ENOX1: variants seen among roughly 807,000 people sequenced by gnomAD.
The protein encoded by ENOX1 is ecto-NOX disulfide-thiol exchanger 1.
A neutral mutation model predicts 82.5 loss-of-function variants in ENOX1; 42 were observed. The ratio of observed to expected loss-of-function variants is 0.51; its 90% CI spans 0.40 to 0.66. ENOX1 has a LOEUF of 0.66. ENOX1 is among the 30% of genes least tolerant of loss of function. ENOX1 has a pLI of 0.00. For missense variants in ENOX1, 608 were observed against 811.6 expected (o/e 0.75, Z 3.05); for synonymous variants, 271 against 282.2 (o/e 0.96, Z 0.40).
chr13:43,591,668 TA>T, intron 2 of ENOX1, among the ~76,000 whole-genome samples: 1 of 151,806 alleles, frequency 6.6e-6, no homozygotes, highest in Admixed American at 6.6e-5. Flanking sequence ...AATGTTTTGT[TA>T]AAAGTATTAA....
chr13:43,656,331 T>G (rs2084431161), intron 2 of ENOX1, among the ~76,000 whole-genome samples: 1 of 152,172 alleles, frequency 6.6e-6, no homozygotes, highest in African/African-American at 2.4e-5. Flanking sequence ...AATGCCAGTG[T>G]TTTTCAATCA....
intron 2 of ENOX1, among the ~76,000 whole-genome samples, chr13:43,501,307 G>T (rs1387603912): frequency 6.6e-6 from 1 of 151,770 alleles, no homozygotes; most frequent in Non-Finnish European, 1.5e-5. Context: ...TTAACAGGAA[G>T]ATAACAGTAG....
chr13:43,746,221 T>C (rs1208594479), intron 1 of ENOX1, among the ~76,000 whole-genome samples: 2 of 152,044 alleles, frequency 1.3e-5, no homozygotes, highest in South Asian at 4.1e-4. Context: ...ATACACTAAA[T>C]AGAAAAGAAA....
intron 3 of ENOX1, among the ~76,000 whole-genome samples, chr13:43,434,962 T>G (rs1412571208): frequency 1.7e-5 from 2 of 116,218 alleles, no homozygotes; most frequent in African/African-American, 6.2e-5. Context: ...TTTTTTTTTT[T>G]GTATATCTAT....
At chr13:43,281,126 T>A (rs924741920) in intron 12 of ENOX1, among the ~76,000 whole-genome samples, 2 of 152,158 alleles carry the variant, frequency 1.3e-5, no homozygotes, top group South Asian at 2.1e-4. Context: ...TTCAACCACC[T>A]ATAGCAACTA....
intron 2 of ENOX1, among the ~76,000 whole-genome samples, chr13:43,646,435 G>A (rs2083898099): frequency 6.6e-6 from 1 of 152,206 alleles, no homozygotes; most frequent in Admixed American, 6.5e-5. Context: ...TGCTCACGCA[G>A]TTAGGGCAAA....
chr13:43,247,849 ATATATATATATATATAT>A (rs2043175514), intron 14 of ENOX1, among the ~76,000 whole-genome samples: 5 of 1,178 alleles, frequency 4.2e-3, no homozygotes, highest in Admixed American at 8.9e-3. Context: ...ATATATATAT[ATATATATATATATATAT>A]ATATATATAT....
chr13:43,250,169 A>G (rs1200590756), intron 14 of ENOX1, among the ~76,000 whole-genome samples: 1 of 152,216 alleles, frequency 6.6e-6, no homozygotes, highest in African/African-American at 2.4e-5. Flanking sequence ...CCTGGAAGTT[A>G]GTGGCATCAT....
chr13:43,593,267 T>C (rs969495278), intron 2 of ENOX1, among the ~76,000 whole-genome samples: 4 of 152,200 alleles, frequency 2.6e-5, no homozygotes, highest in African/African-American at 9.6e-5. Flanking sequence ...CAGGCCTACC[T>C]CCTTTCAGGG....
chr13:43,778,781 T>C (rs1952073041), intron 1 of ENOX1, among the ~76,000 whole-genome samples: 4 of 149,240 alleles, frequency 2.7e-5, no homozygotes, highest in South Asian at 4.2e-4. Flanking sequence ...TTATAGATTA[T>C]AGGCAAGACA....
intron 2 of ENOX1, among the ~76,000 whole-genome samples, chr13:43,666,492 A>G (rs1261484978): frequency 6.6e-6 from 1 of 152,182 alleles, no homozygotes. Flanking sequence ...TAGGGAAGAC[A>G]GTGTAAAGAC....
chr13:43,475,274 CT>C (rs2058232424), intron 3 of ENOX1, among the ~76,000 whole-genome samples: 1 of 152,136 alleles, frequency 6.6e-6, no homozygotes, highest in Non-Finnish European at 1.5e-5. Context: ...AAGCATTTCC[CT>C]GCTGATTCCA....
intron 8 of ENOX1, among the ~76,000 whole-genome samples, chr13:43,348,623 G>T (rs577101390): frequency 1.5e-4 from 23 of 152,320 alleles, no homozygotes; most frequent in African/African-American, 5.3e-4. Context: ...ACCTGACCGG[G>T]ATATGAATCA....
At chr13:43,251,216 C>T (rs932956878) in intron 14 of ENOX1, among the ~76,000 whole-genome samples, 4 of 152,212 alleles carry the variant, frequency 2.6e-5, no homozygotes, top group Non-Finnish European at 4.4e-5. Context: ...ATCTCTACCA[C>T]CTCAGTTTTA....
chr13:43,555,154 C>G (rs1462760805), intron 2 of ENOX1, among the ~76,000 whole-genome samples: 1 of 152,070 alleles, frequency 6.6e-6, no homozygotes, highest in East Asian at 1.9e-4. Flanking sequence ...CGCTAATATC[C>G]CAAAGCTTTC....
At chr13:43,503,818 G>A (rs1490113784) in intron 2 of ENOX1, among the ~76,000 whole-genome samples, 1 of 151,610 alleles carries the variant, frequency 6.6e-6, no homozygotes, top group Non-Finnish European at 1.5e-5. Flanking sequence ...CAAAGGACAG[G>A]CAACAAGAGC....
At chr13:43,600,191 G>A (rs910494009) in intron 2 of ENOX1, among the ~76,000 whole-genome samples, 34 of 152,160 alleles carry the variant, frequency 2.2e-4, no homozygotes, top group African/African-American at 8.2e-4. Flanking sequence ...AACCAGCTCC[G>A]TCACAGTGGC....
intron 2 of ENOX1, among the ~76,000 whole-genome samples, chr13:43,552,629 T>C (rs1375609465): frequency 6.6e-6 from 1 of 152,146 alleles, no homozygotes; most frequent in African/African-American, 2.4e-5. Flanking sequence ...GCTGCCTACA[T>C]GGTAGGCACT....
chr13:43,553,990 C>T (rs1434385640), intron 2 of ENOX1, among the ~76,000 whole-genome samples: 3 of 152,140 alleles, frequency 2.0e-5, no homozygotes, highest in African/African-American at 7.2e-5. Context: ...TTCAAGTGAT[C>T]CACACACCTT....
Sources: allele counts gnomAD v4.1 joint callset (sites outside exome capture counted in the v4.1 genomes callset), GRCh38; gene constraint gnomAD v4.1.1; transcripts MANE v1.5; gene names NCBI Gene and HGNC (gene_info 2026-07-23, HGNC 2026-07-21).